Variants in PHACTR4 observed in about 807,000 individuals in gnomAD.
PHACTR4 encodes the protein protein phosphatase 1, regulatory subunit 124.
PHACTR4 carries 51 observed loss-of-function variants against 72.7 expected under a neutral mutation model. The observed-to-expected ratio is 0.70, with a 90% CI of 0.56 to 0.89. The LOEUF (loss-of-function observed/expected upper bound fraction) is 0.89. Ranked by LOEUF, PHACTR4 falls within the 40% of genes least tolerant of loss-of-function variation. The pLI, the probability that PHACTR4 is intolerant of heterozygous loss-of-function variation, is 0.00. For synonymous variants in PHACTR4, 255 were observed against 302.5 expected (o/e 0.84, Z 1.63); for missense variants, 731 against 861.8 (o/e 0.85, Z 1.90).
chr1:28,477,230 C>T (rs976787824), intron 8 of PHACTR4, among the ~76,000 whole-genome samples: 1 of 151,776 alleles, frequency 6.6e-6, no homozygotes, highest in African/African-American at 2.4e-5. Flanking sequence ...GGATTACAGG[C>T]GTCTGCCACT....
At chr1:28,429,460 T>C (rs1656089729) in intron 2 of PHACTR4, among the ~76,000 whole-genome samples, 1 of 152,106 alleles carries the variant, frequency 6.6e-6, no homozygotes, top group South Asian at 2.1e-4. Flanking sequence ...CTGGCCTCCG[T>C]GAGAAAAGTT....
At position 28,466,394 on chromosome 1, in the gene PHACTR4, G is replaced by A. The variant is rs1332568131; in HGVS notation, c.449G>A (p.Ser150Asn). The change falls in exon 6 of 14, where the codon AGC becomes AAC. Residue 150 changes from serine (S) to asparagine (N), a missense_variant. Coordinates refer to ENST00000373839, the MANE Select transcript of PHACTR4 (RefSeq NM_001048183.3). ...DLKKRLGSTGSQPNSEAESVP... is the reference protein window; with the variant it reads ...DLKKRLGSTGNQPNSEAESVP... The stretch of plus-strand genomic sequence containing the variant: ...TGTTATTACACAGGCTCAACTGGAA[G>A]CCAGCCTAATTCTGAAGCAGAGTCT... 1 of 1,609,896 alleles carries A rather than the reference G, an allele frequency of 6.2e-7. No homozygotes were observed. Among genetic ancestry groups the A allele is most frequent in the Middle Eastern group, 1.7e-4 (1 of 6,048 alleles).
At chr1:28,436,738 GCTGTATC>G (rs1656659962) in intron 2 of PHACTR4, among the ~76,000 whole-genome samples, 1 of 152,088 alleles carries the variant, frequency 6.6e-6, no homozygotes, top group Non-Finnish European at 1.5e-5. Context: ...AATTTATCAA[GCTGTATC>G]CTTAATATTT....
At chr1:28,395,189 G>A (rs1035669564) in intron 1 of PHACTR4, among the ~76,000 whole-genome samples, 2 of 152,112 alleles carry the variant, frequency 1.3e-5, no homozygotes, top group African/African-American at 4.8e-5. Flanking sequence ...CTGGGATACA[G>A]CCATGAGCCA....
chr1:28,453,681 G>A (rs942579613), intron 2 of PHACTR4: 5 of 1,277,396 alleles, frequency 3.9e-6, no homozygotes, highest in South Asian at 2.4e-5. Flanking sequence ...AGATGGACCC[G>A]TCCTGGTTCC....
rs569258710 is a variant in PHACTR4, at chr1:28,379,968, A to G, written c.-39+10143A>G. ...TATTATATTCTCAACTTGTGTTTCT[A>G]TTATCAACTTTTTTTTAACTTTTGG... On this transcript the variant is annotated intron_variant, in intron 1 of 13. Transcript: ENST00000373839. Among the ~76,000 whole-genome samples the G allele has an allele frequency of 9.5e-5, 14 of 147,040 alleles. No homozygotes were observed. In the East Asian group the frequency reaches 2.6e-3, roughly 27 times the overall value.
intron 2 of PHACTR4, among the ~76,000 whole-genome samples, chr1:28,421,909 A>G (rs138929731): frequency 1.3e-5 from 2 of 152,346 alleles, no homozygotes; most frequent in East Asian, 3.9e-4. Context: ...AAGGCCAGTT[A>G]CTATCCTAAC....
intron 1 of PHACTR4, among the ~76,000 whole-genome samples, chr1:28,376,311 T>G: frequency 8.7e-6 from 1 of 114,636 alleles, no homozygotes; most frequent in East Asian, 2.2e-4. Flanking sequence ...AGACCTTGTC[T>G]CAAAAAAAAA....
intron 2 of PHACTR4, among the ~76,000 whole-genome samples, chr1:28,443,856 G>A (rs1400314512): frequency 6.6e-6 from 1 of 151,922 alleles, no homozygotes; most frequent in Non-Finnish European, 1.5e-5. Context: ...CCATATCTTG[G>A]CTGTTGTTGA....
chr1:28,478,890 T>A (rs1660091655), intron 8 of PHACTR4, among the ~76,000 whole-genome samples: 1 of 152,202 alleles, frequency 6.6e-6, no homozygotes, highest in Non-Finnish European at 1.5e-5. Flanking sequence ...CCCAATGTGC[T>A]GCATTACAAG....
chr1:28,490,555 A>C (rs2124553119), intron 10 of PHACTR4, among the ~76,000 whole-genome samples: 1 of 151,436 alleles, frequency 6.6e-6, no homozygotes, highest in East Asian at 2.0e-4. Flanking sequence ...AAAAAAAAAG[A>C]AATATCTGGG....
rs374495646 is a variant in PHACTR4, at chr1:28,477,022, G to A, written c.1606+731G>A. On this transcript the variant is annotated intron_variant, in intron 8 of 13. Coordinates refer to ENST00000373839, the MANE Select transcript of PHACTR4 (RefSeq NM_001048183.3). ...CGACCTCAGGTGATCTGCCTGCCTC[G>A]GCCTCCCAAAGTGCTGGGATTATAG... Among the ~76,000 whole-genome samples the A allele has an allele frequency of 5.3e-5, 8 of 150,982 alleles. No individual in the cohort carries two copies. The East Asian group carries it at 9.7e-4, about 18-fold the overall frequency.
At chr1:28,411,410 T>C (rs1654781265) in intron 2 of PHACTR4, among the ~76,000 whole-genome samples, 1 of 152,218 alleles carries the variant, frequency 6.6e-6, no homozygotes, top group Admixed American at 6.5e-5. Flanking sequence ...AATCATAATA[T>C]GGAGTTTATA....
At chr1:28,489,121 A>C in intron 9 of PHACTR4, 49 bp from the exon 10 acceptor site, 1 of 1,512,396 alleles carries the variant, frequency 6.6e-7, no homozygotes, top group South Asian at 1.2e-5. Flanking sequence ...TTTATAAACA[A>C]GATTGGGAGG....
At chr1:28,436,950 A>G (rs79160354) in intron 2 of PHACTR4, among the ~76,000 whole-genome samples, 1 of 152,344 alleles carries the variant, frequency 6.6e-6, no homozygotes, top group Non-Finnish European at 1.5e-5. Flanking sequence ...AGACTGTTAT[A>G]TAATACCTTC....
chr1:28,424,290 C>T (rs923620551), intron 2 of PHACTR4, among the ~76,000 whole-genome samples: 2 of 151,974 alleles, frequency 1.3e-5, no homozygotes, highest in South Asian at 2.1e-4. Flanking sequence ...CTCCTGAGTT[C>T]AAGTGACCCT....
chr1:28,450,113 A>G (rs1037456873), intron 2 of PHACTR4, among the ~76,000 whole-genome samples: 1 of 151,724 alleles, frequency 6.6e-6, no homozygotes, highest in African/African-American at 2.4e-5. Context: ...GTTATCTTCC[A>G]CTCCCAGCCT....
At chr1:28,465,018 TCATATAA>T (rs1291714491) in intron 4 of PHACTR4, among the ~76,000 whole-genome samples, 1 of 152,116 alleles carries the variant, frequency 6.6e-6, no homozygotes, top group Admixed American at 6.6e-5. Flanking sequence ...TTTGTCTTAT[TCATATAA>T]CAACGTACTT....
chr1:28,385,877 A>G (rs955011131), intron 1 of PHACTR4, among the ~76,000 whole-genome samples: 7 of 151,868 alleles, frequency 4.6e-5, no homozygotes, highest in African/African-American at 1.7e-4. Flanking sequence ...GGCCTCCCAA[A>G]GTGCTGGGAT....
Sources: gnomAD v4.1 joint callset for allele counts (sites outside exome capture counted in the v4.1 genomes callset) on GRCh38, gnomAD v4.1.1 for gene constraint, MANE v1.5 for transcripts, NCBI Gene and HGNC (gene_info 2026-07-23, HGNC 2026-07-21) for gene names.